Variants in MYT1 observed in about 807,000 individuals in gnomAD.
MYT1 encodes myelin transcription factor I.
In MYT1, 23 loss-of-function variants were observed where a neutral mutation model predicts 123.0. The ratio of observed to expected loss-of-function variants is 0.19; its 90% confidence interval spans 0.13 to 0.26. The LOEUF is 0.26. Ranked by LOEUF, MYT1 falls within the 10% of genes least tolerant of loss-of-function variation. The pLI is 1.00. For synonymous variants in MYT1, 518 were observed against 575.3 expected (o/e 0.90, Z 1.43); for missense variants, 1,125 against 1,472.5 (o/e 0.76, Z 3.86).
intron 13 of MYT1, 33 bp downstream of exon 13, chr20:64,220,015 G>C: frequency 6.9e-7 from 1 of 1,440,608 alleles, no homozygotes; most frequent in Non-Finnish European, 9.1e-7. Context: ...GCAGTCAGGC[G>C]GCTGCAGCCA....
chr20:64,208,541 A>G lies in MYT1; in HGVS notation c.1291+54A>G. On this transcript the variant is annotated intron_variant, in intron 7 of 22. Transcript: ENST00000328439. This position sits in a 1 kb window ranked among gnomAD's most constrained non-coding sequence, Gnocchi z 5.4. ...AGACTCATCCTTTCACCCCTGCCCC[A>G]GGTGTGCAGATGCAGGCTGAGAGCC... 6.6e-7 allele frequency: 1 copy of G among 1,526,456 alleles called. No individual in the cohort carries two copies. The highest frequency in any genetic ancestry group is 1.3e-5 in the South Asian group (1 of 76,506). The allele number at this position is 1,526,456 out of a possible 1,614,324, so 94.6% of individuals were successfully genotyped here.
At chr20:64,181,276 C>T (rs1452552687) in intron 1 of MYT1, among the ~76,000 whole-genome samples, 1 of 151,886 alleles carries the variant, frequency 6.6e-6, no homozygotes, top group East Asian at 1.9e-4. Context: ...TCCTTTAGTT[C>T]TCGGAAAATT....
chr20:64,170,848 CATATATATAT>C (rs1175817263), intron 1 of MYT1, among the ~76,000 whole-genome samples: 59 of 16,022 alleles, frequency 3.7e-3, no homozygotes, highest in Admixed American at 8.2e-3. Flanking sequence ...ACAAATTGGT[CATATATATAT>C]ATATATATAT....
At chr20:64,205,508 G>T (rs778457424) in intron 5 of MYT1, 45 bp from the exon 6 acceptor site, 1 of 1,602,506 alleles carries the variant, frequency 6.2e-7, no homozygotes, top group African/African-American at 1.3e-5. Context: ...GAGGCCTCTC[G>T]TGGCCCTAGC....
At chr20:64,199,998 CG>C in intron 4 of MYT1, 76 bp downstream of exon 4, 1 of 1,565,442 alleles carries the variant, frequency 6.4e-7, no homozygotes, top group South Asian at 1.1e-5. Flanking sequence ...ATGTCCCAAA[CG>C]GGGTCTTCTT....
chr20:64,234,896 ACTGGGCTGGTGG>A (rs1984458069), intron 19 of MYT1, among the ~76,000 whole-genome samples: 1 of 59,504 alleles, frequency 1.7e-5, no homozygotes, highest in African/African-American at 6.4e-5. Flanking sequence ...GGTGGGTGAC[ACTGGGCTGGTGG>A]TGGTGGGTGA....
chr20:64,194,018 C>T (rs1321034718), intron 2 of MYT1, among the ~76,000 whole-genome samples: 1 of 152,152 alleles, frequency 6.6e-6, no homozygotes, highest in African/African-American at 2.4e-5. Flanking sequence ...TCTGCAGCCC[C>T]TCTGACCACG....
At position 64,241,218 on chromosome 20, in the gene MYT1, C is replaced by A. The variant is rs1437934897; in HGVS notation, c.*770C>A. Reference sequence around the variant, plus strand: ...TCTAGGGACCACTCTGGCTTCTGTGCATCCACCCAGGCCCCCGACCCATCA... The same window carrying A: ...TCTAGGGACCACTCTGGCTTCTGTGAATCCACCCAGGCCCCCGACCCATCA... On this transcript the variant is annotated 3_prime_UTR_variant, in exon 23 of 23. Coordinates refer to ENST00000328439, the MANE Select transcript of MYT1 (RefSeq NM_004535.3). The surrounding 1 kb of genome is among the most constrained non-coding windows in gnomAD (Gnocchi z 4.2). 6.6e-6 allele frequency: 1 copy of A among 152,222 alleles called. No homozygotes were observed. Among genetic ancestry groups the A allele is most frequent in the East Asian group, 1.9e-4 (1 of 5,196 alleles). 9.4% of individuals were successfully genotyped at this position (152,222 alleles called of 1,614,324 possible). A position where few individuals can be genotyped will look rare whatever the true frequency, so the allele number is the denominator to read the frequency against.
Position 64,220,849 on chromosome 20 carries a change from C to T in MYT1, c.2241+867C>T, listed in dbSNP as rs1285639314. The stretch of plus-strand genomic sequence containing the variant: ...CCCCTATGAAGGGTAGGGGCTGGAT[C>T]AGGCCCCTATGAAGGGTGGGGGCTG... On this transcript the variant is annotated intron_variant, in intron 13 of 22. Transcript: ENST00000328439. 1.1e-4 allele frequency among the ~76,000 whole-genome samples: 11 copies of T among 97,142 alleles called. 1 individual carries two copies. The highest frequency in any genetic ancestry group is 3.7e-4 in the African/African-American group (10 of 27,080). The allele number at this position is 97,142 out of a possible 152,430, so 63.7% of individuals were successfully genotyped here. A position where few individuals can be genotyped will look rare whatever the true frequency, so the allele number is the denominator to read the frequency against.
In MYT1 at chr20:64,192,572, G is replaced by A. The variant is rs530644804; in HGVS notation, c.-1+2412G>A. ...GTCACAGCCTGCGGCGTGCCTCTGA[G>A]TTCAGCACCAGGCATGTGGACAGCT... On this transcript the variant is annotated intron_variant, in intron 2 of 22. Transcript: ENST00000328439. This position sits in a 1 kb window ranked among gnomAD's most constrained non-coding sequence, Gnocchi z 5.3. Among the ~76,000 whole-genome samples the A allele has an allele frequency of 3.3e-5, 5 of 152,364 alleles. No homozygotes were observed. The highest frequency in any genetic ancestry group is 1.2e-4 in the African/African-American group (5 of 41,596).
At chr20:64,223,194 C>A (rs746170449) in intron 15 of MYT1, 21 bp downstream of exon 15, 1 of 1,614,054 alleles carries the variant, frequency 6.2e-7, no homozygotes, top group East Asian at 2.2e-5. Context: ...TGCTCGGGTC[C>A]GTCTGGCCTG....
chr20:64,192,508 T>C lies in MYT1; in HGVS notation c.-1+2348T>C, dbSNP rs904867447. The stretch of plus-strand genomic sequence containing the variant: ...GGAGATGGGTGGTGAGGAGCCAGCA[T>C]GGGAGGGCAGTGAACACACAAACCC... On this transcript the variant is annotated intron_variant, in intron 2 of 22. Transcript: ENST00000328439. This position sits in a 1 kb window ranked among gnomAD's most constrained non-coding sequence, Gnocchi z 5.3. Among the ~76,000 whole-genome samples, 6 of 152,042 alleles carry C rather than the reference T, an allele frequency of 3.9e-5. No homozygotes were observed. Among genetic ancestry groups the C allele is most frequent in the Non-Finnish European group, 7.4e-5 (5 of 67,982 alleles).
chr20:64,172,741 CTTTTT>C (rs33943131), intron 1 of MYT1, among the ~76,000 whole-genome samples: 10 of 95,558 alleles, frequency 1.0e-4, no homozygotes, highest in Non-Finnish European at 1.8e-4. Flanking sequence ...GCCATACCCT[CTTTTT>C]TTTTTTTTTT....
At chr20:64,217,524 C>T (rs1983874978) in intron 11 of MYT1, among the ~76,000 whole-genome samples, 1 of 152,236 alleles carries the variant, frequency 6.6e-6, no homozygotes, top group South Asian at 2.1e-4. Context: ...ATTTATGTGT[C>T]TCCTAGTTAT....
At chr20:64,195,400 A>ATTTTTTTT (rs1568704696) in intron 2 of MYT1, among the ~76,000 whole-genome samples, 1 of 7,826 alleles carries the variant, frequency 1.3e-4, no homozygotes. Context: ...GTGTGTGTAT[A>ATTTTTTTT]CTTTTTTTTT....
At chr20:64,195,383 TGTG>T (rs1983083314) in intron 2 of MYT1, among the ~76,000 whole-genome samples, 1 of 102,764 alleles carries the variant, frequency 9.7e-6, no homozygotes. Flanking sequence ...TGTGTGTGTG[TGTG>T]TGTGTGTGTG....
chr20:64,240,607 C>A lies in MYT1; in HGVS notation c.*159C>A. On this transcript the variant is annotated 3_prime_UTR_variant, in exon 23 of 23. Coordinates refer to ENST00000328439, the MANE Select transcript of MYT1 (RefSeq NM_004535.3). ...AAGGGATGGCTGGAAATTGGCCGCTCCCACGAGGCTCCCTCCAGGCTTGGG... is the reference window on the plus strand; with the variant it reads ...AAGGGATGGCTGGAAATTGGCCGCTACCACGAGGCTCCCTCCAGGCTTGGG... The A allele has an allele frequency of 1.0e-6, 1 of 986,282 alleles. No homozygotes were observed. The highest frequency in any genetic ancestry group is 1.4e-6 in the Non-Finnish European group (1 of 697,460). 61.1% of individuals were successfully genotyped at this position (986,282 alleles called of 1,614,324 possible). A position where few individuals can be genotyped will look rare whatever the true frequency, so the allele number is the denominator to read the frequency against.
At chr20:64,230,201 A>C (rs1984278371) in intron 18 of MYT1, among the ~76,000 whole-genome samples, 1 of 152,192 alleles carries the variant, frequency 6.6e-6, no homozygotes, top group Non-Finnish European at 1.5e-5. Flanking sequence ...AGTGTTTTGC[A>C]AGAAAGGGAG....
intron 8 of MYT1, 152 bp downstream of exon 8, chr20:64,211,492 T>A: frequency 4.8e-6 from 4 of 830,872 alleles, no homozygotes; most frequent in Non-Finnish European, 5.3e-6. Context: ...CTCCCCGCTT[T>A]CCCCCACAAA....
Sources: allele counts gnomAD v4.1 joint callset (sites outside exome capture counted in the v4.1 genomes callset), GRCh38; gene constraint gnomAD v4.1.1; non-coding constraint Gnocchi (gnomAD v3.1); transcripts MANE v1.5; gene names NCBI Gene and HGNC (gene_info 2026-07-23, HGNC 2026-07-21).